HPSE2: variants seen among roughly 807,000 people sequenced by gnomAD.
HPSE2 encodes inactive heparanase-2.
HPSE2 carries 38 observed loss-of-function variants against 60.5 expected under a neutral mutation model. That is an observed-to-expected ratio of 0.63 (90% confidence interval 0.48 to 0.82). HPSE2 has a LOEUF of 0.82. Among genes scored for constraint, HPSE2 ranks in the 40% least tolerant of loss-of-function variants. The pLI, the probability that HPSE2 is intolerant of heterozygous loss-of-function variation, is 0.00. For synonymous variants in HPSE2, 295 were observed against 293.2 expected, an observed-to-expected ratio of 1.01 and a Z score of -0.06; for missense variants, 713 against 740.4, an observed-to-expected ratio of 0.96 and a Z score of 0.43.
chr10:98,828,103 G>A (rs1036731095), intron 3 of HPSE2, among the ~76,000 whole-genome samples: 1 of 152,084 alleles, frequency 6.6e-6, no homozygotes, highest in African/African-American at 2.4e-5. Context: ...CAGATTTAGA[G>A]CTTCCAATCT....
At chr10:98,911,412 C>G (rs767276680) in intron 3 of HPSE2, among the ~76,000 whole-genome samples, 57 of 152,118 alleles carry the variant, frequency 3.7e-4, no homozygotes, top group Non-Finnish European at 5.7e-4. Flanking sequence ...CTTGGGAAAG[C>G]TGTGGGAAAG....
intron 3 of HPSE2, among the ~76,000 whole-genome samples, chr10:99,091,160 A>C (rs924495115): frequency 9.2e-5 from 14 of 152,218 alleles, no homozygotes; most frequent in African/African-American, 3.1e-4. Flanking sequence ...ATATTCTTTT[A>C]AACTATTAGT....
rs1724730187 is a variant in HPSE2 at position 98,461,927 on chromosome 10, A to C, written c.1614-2188T>G. ...ATTCTGGTTTCTTTATTGGTTGGTTAAAAAGCTAAGAGTAGAACCAGGAAG... is the reference window on the plus strand; with the variant it reads ...ATTCTGGTTTCTTTATTGGTTGGTTCAAAAGCTAAGAGTAGAACCAGGAAG... On this transcript the variant is annotated intron_variant, in intron 11 of 11. Coordinates refer to ENST00000370552, the MANE Select transcript of HPSE2 (RefSeq NM_021828.5). The C allele has an allele frequency of 4.8e-6, 4 of 839,900 alleles. No individual in the cohort carries two copies. The East Asian group carries it at 1.1e-4, about 22-fold the overall frequency. 52.0% of individuals were successfully genotyped at this position (839,900 alleles called of 1,614,324 possible).
chr10:98,717,340 C>A (rs1948816437), intron 5 of HPSE2, among the ~76,000 whole-genome samples: 1 of 152,210 alleles, frequency 6.6e-6, no homozygotes, highest in Admixed American at 6.6e-5. Flanking sequence ...ACTAAAGTAG[C>A]ACTTTTAATT....
intron 2 of HPSE2, among the ~76,000 whole-genome samples, chr10:99,197,309 G>C (rs538302269): frequency 6.6e-6 from 1 of 152,212 alleles, no homozygotes; most frequent in African/African-American, 2.4e-5. Flanking sequence ...CTGTTGGCTA[G>C]CACAACAGAG....
intron 9 of HPSE2, among the ~76,000 whole-genome samples, chr10:98,612,658 AAG>A (rs1945794003): frequency 6.6e-6 from 1 of 152,240 alleles, no homozygotes; most frequent in Non-Finnish European, 1.5e-5. Context: ...AGAAAGGAAA[AAG>A]AAGGACAGAG....
rs1844937779 is a variant in HPSE2, at chr10:99,121,156, C to T, written c.610+23082G>A. Among the ~76,000 whole-genome samples the T allele has an allele frequency of 2.0e-5, 3 of 152,128 alleles. No homozygotes were observed. In the South Asian group the frequency reaches 6.2e-4, roughly 32 times the overall value. On this transcript the variant is annotated intron_variant, in intron 3 of 11. Coordinates refer to ENST00000370552, the MANE Select transcript of HPSE2 (RefSeq NM_021828.5). The stretch of plus-strand genomic sequence containing the variant: ...GATCTTTGCAGGGACATGGATGGAG[C>T]TGGAGGCCATCATCTTTAGCAAACT...
intron 7 of HPSE2, among the ~76,000 whole-genome samples, chr10:98,639,547 C>G (rs1260640967): frequency 6.6e-6 from 1 of 152,190 alleles, no homozygotes; most frequent in Non-Finnish European, 1.5e-5. Context: ...TTCCCCTTCC[C>G]CTTCTAAGTC....
At chr10:98,834,742 T>C (rs1951755838) in intron 3 of HPSE2, among the ~76,000 whole-genome samples, 1 of 152,162 alleles carries the variant, frequency 6.6e-6, no homozygotes, top group South Asian at 2.1e-4. Flanking sequence ...TTTCTTCATA[T>C]ACTTCAAATA....
At chr10:98,821,452 C>T (rs1049867930) in intron 3 of HPSE2, among the ~76,000 whole-genome samples, 5 of 152,084 alleles carry the variant, frequency 3.3e-5, no homozygotes, top group African/African-American at 1.2e-4. Context: ...TAAGGTATTA[C>T]AATTATGGGA....
chr10:98,479,388 A>G (rs1380732568), intron 11 of HPSE2, among the ~76,000 whole-genome samples: 1 of 152,214 alleles, frequency 6.6e-6, no homozygotes, highest in Non-Finnish European at 1.5e-5. Context: ...AGAGGCTTAT[A>G]AAAGAGAGAA....
the HPSE2 span, among the ~76,000 whole-genome samples, chr10:99,241,724 G>T: frequency 6.6e-6 from 1 of 152,124 alleles, no homozygotes; most frequent in Non-Finnish European, 1.5e-5. Flanking sequence ...TCATGCCACT[G>T]CACTCTAGCC....
intron 9 of HPSE2, among the ~76,000 whole-genome samples, chr10:98,544,106 A>C (rs1309599155): frequency 6.6e-6 from 1 of 152,060 alleles, no homozygotes; most frequent in African/African-American, 2.4e-5. Context: ...CAAATGCAAA[A>C]GAATAGAAAT....
At chr10:99,029,041 T>C (rs1252543560) in intron 3 of HPSE2, among the ~76,000 whole-genome samples, 2 of 152,238 alleles carry the variant, frequency 1.3e-5, no homozygotes, top group East Asian at 3.9e-4. Context: ...CAAGAAAAGA[T>C]AGGGGAAAAT....
intron 3 of HPSE2, among the ~76,000 whole-genome samples, chr10:99,080,375 G>A (rs1039744600): frequency 6.6e-6 from 1 of 152,024 alleles, no homozygotes; most frequent in Non-Finnish European, 1.5e-5. Flanking sequence ...ACAAGGCTAT[G>A]GCATGTGGGG....
At chr10:98,777,276 T>C (rs1950361998) in intron 3 of HPSE2, among the ~76,000 whole-genome samples, 1 of 152,114 alleles carries the variant, frequency 6.6e-6, no homozygotes, top group Non-Finnish European at 1.5e-5. Context: ...AATAACACAA[T>C]TGACCCAAAA....
At chr10:98,758,337 G>A (rs1376220400) in intron 3 of HPSE2, among the ~76,000 whole-genome samples, 1 of 146,506 alleles carries the variant, frequency 6.8e-6, no homozygotes, top group African/African-American at 2.5e-5. Context: ...ATTGACAAAT[G>A]GGACCTAATT....
At chr10:98,838,953 T>C (rs925359352) in intron 3 of HPSE2, among the ~76,000 whole-genome samples, 1 of 152,196 alleles carries the variant, frequency 6.6e-6, no homozygotes, top group Non-Finnish European at 1.5e-5. Flanking sequence ...TAGAAAGTTA[T>C]GATCTAGTAC....
chr10:98,768,206 G>A (rs958664598), intron 3 of HPSE2, among the ~76,000 whole-genome samples: 1 of 151,790 alleles, frequency 6.6e-6, no homozygotes, highest in Non-Finnish European at 1.5e-5. Flanking sequence ...CTTACTGGTG[G>A]GTGATGGGTG....
Sources: gnomAD v4.1 joint callset for allele counts (sites outside exome capture counted in the v4.1 genomes callset) on GRCh38, gnomAD v4.1.1 for gene constraint, MANE v1.5 for transcripts, NCBI Gene and HGNC (gene_info 2026-07-23, HGNC 2026-07-21) for gene names.